SYK: variants seen among roughly 807,000 people sequenced by gnomAD.
SYK encodes the protein tyrosine-protein kinase SYK.
Under a neutral mutation model 77.8 loss-of-function variants are expected in SYK, and 16 were observed. That is an observed-to-expected ratio of 0.21 (90% confidence interval 0.14 to 0.31). The LOEUF (loss-of-function observed/expected upper bound fraction) is 0.31, where lower values mean the gene tolerates loss of function less well. Ranked by LOEUF, SYK falls within the 10% of genes least tolerant of loss-of-function variation. The pLI is 1.00. For synonymous variants in SYK, 312 were observed against 308.7 expected (o/e 1.01, Z -0.11); for missense variants, 529 against 814.4 (o/e 0.65, Z 4.26).
At position 90,836,041 on chromosome 9, in the gene SYK, C is replaced by T. The variant is rs1167256105; in HGVS notation, c.-41-7817C>T. ...CTGTGGCTCACGCCTCTAATCCCAG[C>T]ACTTTGGGAGGCTGAGGAGGGCAGA... On this transcript the variant is annotated intron_variant, in intron 1 of 13. Transcript: ENST00000375754. 2.0e-5 allele frequency among the ~76,000 whole-genome samples: 3 copies of T among 152,120 alleles called. No homozygotes were observed. In the East Asian group the frequency reaches 5.8e-4, roughly 29 times the overall value.
intron 11 of SYK, among the ~76,000 whole-genome samples, chr9:90,881,960 G>A (rs1828176903): frequency 6.6e-6 from 1 of 152,188 alleles, no homozygotes; most frequent in African/African-American, 2.4e-5. Context: ...AGATTCACAG[G>A]AAGCTCACAA....
chr9:90,887,064 G>C (rs1256885705), intron 11 of SYK, among the ~76,000 whole-genome samples: 1 of 152,218 alleles, frequency 6.6e-6, no homozygotes, highest in Non-Finnish European at 1.5e-5. Context: ...ATGTTACAAA[G>C]TCATTTACTG....
chr9:90,895,546 A>G lies in SYK; in HGVS notation c.1854A>G (p.Gly618=). The change falls in exon 14 of 14, where the codon GGA becomes GGG. Residue 618 remains glycine (G), a synonymous_variant. Coordinates refer to ENST00000375754, the MANE Select transcript of SYK (RefSeq NM_003177.7). This position sits in a 1 kb window ranked among gnomAD's most constrained non-coding sequence, Gnocchi z 4.4. ...ATTCCAGTGTGGAAAACAGGCCCGG[A>G]TTCGCAGCAGTGGAACTGCGGCTGC... ...CWTYDVENRP[G]FAAVELRLRN... The G allele has an allele frequency of 1.2e-6, 2 of 1,614,166 alleles. No individual in the cohort carries two copies. Among genetic ancestry groups the G allele is most frequent in the African/African-American group, 2.7e-5 (2 of 75,068 alleles).
chr9:90,802,894 C>G (rs911095533), intron 1 of SYK, among the ~76,000 whole-genome samples: 2 of 143,998 alleles, frequency 1.4e-5, no homozygotes, highest in African/African-American at 2.6e-5. Flanking sequence ...CATTTAATCC[C>G]TAAGAGTTCC....
chr9:90,869,017 A>G (rs1232565842), intron 7 of SYK, among the ~76,000 whole-genome samples: 2 of 152,210 alleles, frequency 1.3e-5, no homozygotes, highest in Non-Finnish European at 2.9e-5. Flanking sequence ...ATGTCCTGCA[A>G]CACACACATA....
intron 6 of SYK, 149 bp downstream of exon 6, chr9:90,865,246 G>A: frequency 1.3e-6 from 1 of 785,006 alleles, no homozygotes; most frequent in Non-Finnish European, 2.2e-6. Flanking sequence ...GCTAGTGAGT[G>A]TTAGGCAGAA....
intron 1 of SYK, among the ~76,000 whole-genome samples, chr9:90,826,148 A>C (rs1825659351): frequency 1.3e-5 from 2 of 152,228 alleles, no homozygotes; most frequent in South Asian, 2.1e-4. Context: ...TGGGTTGACT[A>C]TGAGGGCCTT....
intron 1 of SYK, among the ~76,000 whole-genome samples, chr9:90,818,936 G>A (rs938633842): frequency 2.6e-4 from 39 of 152,182 alleles, no homozygotes; most frequent in African/African-American, 9.2e-4. Flanking sequence ...AGGAAACCAG[G>A]CAGATTTTTC....
At chr9:90,878,571 G>A (rs1828030452) in intron 10 of SYK, among the ~76,000 whole-genome samples, 193 bp from the exon 11 acceptor site, 1 of 152,130 alleles carries the variant, frequency 6.6e-6, no homozygotes, top group Admixed American at 6.6e-5. Context: ...CAATCCCATT[G>A]AACACCAGGA....
intron 7 of SYK, among the ~76,000 whole-genome samples, chr9:90,871,754 C>A (rs1260045244): frequency 6.6e-6 from 1 of 152,142 alleles, no homozygotes; most frequent in Non-Finnish European, 1.5e-5. Context: ...GAGATAGGGG[C>A]AGGGAGCCCA....
chr9:90,838,338 T>C (rs1257275289), intron 1 of SYK, among the ~76,000 whole-genome samples: 1 of 152,172 alleles, frequency 6.6e-6, no homozygotes, highest in Non-Finnish European at 1.5e-5. Flanking sequence ...AATACTCAAA[T>C]TCAACAGTGA....
At chr9:90,846,897 C>G (rs1826618534) in intron 3 of SYK, among the ~76,000 whole-genome samples, 1 of 152,160 alleles carries the variant, frequency 6.6e-6, no homozygotes, top group Non-Finnish European at 1.5e-5. Flanking sequence ...CAATAATTTC[C>G]AACATGAATG....
intron 1 of SYK, among the ~76,000 whole-genome samples, chr9:90,842,845 A>G (rs112737010): frequency 6.6e-6 from 1 of 151,786 alleles, no homozygotes; most frequent in Non-Finnish European, 1.5e-5. Flanking sequence ...GGATGGAGTC[A>G]TGTAGATAAT....
intron 1 of SYK, among the ~76,000 whole-genome samples, chr9:90,822,896 G>T (rs534090674): frequency 6.6e-6 from 1 of 152,184 alleles, no homozygotes; most frequent in Non-Finnish European, 1.5e-5. Context: ...AAATAGAAAG[G>T]CATGATTAAT....
At chr9:90,866,533 G>A (rs965379128) in intron 6 of SYK, among the ~76,000 whole-genome samples, 2 of 152,156 alleles carry the variant, frequency 1.3e-5, no homozygotes, top group Admixed American at 6.5e-5. Context: ...TTATAGGCTC[G>A]GTGAGACAGA....
At chr9:90,844,449 T>C in intron 2 of SYK, 134 bp downstream of exon 2, 1 of 1,110,140 alleles carries the variant, frequency 9.0e-7, no homozygotes, top group Admixed American at 3.1e-5. Flanking sequence ...TAAGCATCAA[T>C]TTTGGCCAAA....
At position 90,877,583 on chromosome 9, in the gene SYK, C is replaced by G; in HGVS notation, c.1194C>G (p.Thr398=). ...GYYQMKKVVK[T]VAVKILKNEA... ...ATTTCTCTTGCAGAGTTGTGAAAAC[C>G]GTGGCTGTGAAAATACTGAAAAACG... Residue 398 remains threonine, a synonymous_variant, in exon 10 of 14, where the codon ACC becomes ACG. Coordinates refer to ENST00000375754, the MANE Select transcript of SYK (RefSeq NM_003177.7). The G allele has an allele frequency of 1.2e-6, 2 of 1,614,104 alleles. No homozygotes were observed. Among genetic ancestry groups the G allele is most frequent in the African/African-American group, 2.7e-5 (2 of 75,018 alleles).
chr9:90,823,818 T>C (rs1298021538), intron 1 of SYK, among the ~76,000 whole-genome samples: 2 of 152,006 alleles, frequency 1.3e-5, no homozygotes, highest in Non-Finnish European at 2.9e-5. Context: ...AAATTACTTG[T>C]GATTCTACTT....
Position 90,891,429 on chromosome 9 carries a change from G to A in SYK, c.1835+2802G>A, listed in dbSNP as rs577666274. 1.4e-4 allele frequency among the ~76,000 whole-genome samples: 21 copies of A among 152,162 alleles called. No homozygotes were observed. In the South Asian group the frequency reaches 4.4e-3, roughly 32 times the overall value. On this transcript the variant is annotated intron_variant, in intron 13 of 13. Transcript: ENST00000375754. ...TGTTGCCTGCTTTTTTACTGCACAC[G>A]TGGCAACAAGGAAAGTGGAAGAGGG...
Sources: allele counts gnomAD v4.1 joint callset (sites outside exome capture counted in the v4.1 genomes callset), GRCh38; gene constraint gnomAD v4.1.1; non-coding constraint Gnocchi (gnomAD v3.1); transcripts MANE v1.5; gene names NCBI Gene and HGNC (gene_info 2026-07-23, HGNC 2026-07-21).